The following PRR5L variants were observed in gnomAD, a reference collection of about 807,000 sequenced individuals.
The protein encoded by PRR5L is proline rich 5 like.
A neutral mutation model predicts 36.4 loss-of-function variants in PRR5L; 21 were observed. The observed-to-expected ratio is 0.58, with a 90% confidence interval of 0.41 to 0.83. PRR5L has a LOEUF of 0.83. Among genes scored for constraint, PRR5L ranks in the 40% least tolerant of loss-of-function variants. PRR5L has a pLI of 0.00. For missense variants in PRR5L, 381 were observed against 473.3 expected (o/e 0.80, Z 1.81); for synonymous variants, 188 against 197.0 (o/e 0.95, Z 0.38).
At chr11:36,432,509 C>G (rs1156631781) in intron 5 of PRR5L, among the ~76,000 whole-genome samples, 1 of 152,192 alleles carries the variant, frequency 6.6e-6, no homozygotes, top group Non-Finnish European at 1.5e-5. Context: ...CCCCATGACT[C>G]TACCAAGGGC....
At chr11:36,351,744 A>ATT (rs1475404311) in intron 1 of PRR5L, among the ~76,000 whole-genome samples, 7 of 93,306 alleles carry the variant, frequency 7.5e-5, no homozygotes, top group African/African-American at 2.6e-4. Context: ...ATATTTATAT[A>ATT]TAATTTATAT....
At chr11:36,310,420 G>T (rs1198004757) in intron 1 of PRR5L, among the ~76,000 whole-genome samples, 1 of 152,090 alleles carries the variant, frequency 6.6e-6, no homozygotes, top group Admixed American at 6.5e-5. Flanking sequence ...GCGAAGTAGA[G>T]CCTCTTAGTT....
Position 36,431,901 on chromosome 11 carries a change from C to A in PRR5L, c.343C>A (p.Leu115Met). ...GTTCTTTGTGGAGGAGAAGATCAAG[C>A]TGTGTGAAGGCAAGTACAAGACAGC... ...GLFFVEEKIK[L>M]CEGENRIEVL... Residue 115 changes from leucine (L) to methionine (M), a missense_variant, in exon 5 of 9, where the codon CTG becomes ATG. By Grantham distance (15) the Leu-to-Met change is conservative. Transcript: ENST00000530639. 6.2e-7 allele frequency: 1 copy of A among 1,614,028 alleles called. No homozygotes were observed. The highest frequency in any genetic ancestry group is 8.5e-7 in the Non-Finnish European group (1 of 1,179,904).
intron 4 of PRR5L, among the ~76,000 whole-genome samples, chr11:36,426,812 G>C (rs903516616): frequency 2.0e-5 from 3 of 152,242 alleles, no homozygotes; most frequent in African/African-American, 7.2e-5. Flanking sequence ...AAAAGGGACG[G>C]TAGCTAGCAG....
At chr11:36,392,139 A>G (rs956492200) in intron 1 of PRR5L, among the ~76,000 whole-genome samples, 2 of 152,244 alleles carry the variant, frequency 1.3e-5, no homozygotes, top group Admixed American at 6.5e-5. Context: ...GTTGCAAATG[A>G]CAGGATCTCA....
At position 36,462,433 on chromosome 11, in the gene PRR5L, C is replaced by G. The variant is rs1237011870; in HGVS notation, c.804C>G (p.Val268=). 5.0e-6 allele frequency: 8 copies of G among 1,602,036 alleles called. No individual in the cohort carries two copies. Among genetic ancestry groups the G allele is most frequent in the African/African-American group, 2.7e-5 (2 of 74,840 alleles). The change falls in exon 9 of 9, where the codon GTC becomes GTG. Residue 268 remains valine (V), a synonymous_variant. Transcript: ENST00000530639. ...TAVSRPLNEM[V]LTPLTEQEGE... ...TCAGCCGGCCACTGAATGAGATGGT[C>G]TTGACCCCACTGACAGAGCAGGAGG...
At chr11:36,447,893 C>T (rs957094864) in intron 7 of PRR5L, among the ~76,000 whole-genome samples, 6 of 152,086 alleles carry the variant, frequency 3.9e-5, no homozygotes, top group Non-Finnish European at 8.8e-5. Flanking sequence ...GTCTGAGAAG[C>T]CTTAATTAGA....
intron 1 of PRR5L, among the ~76,000 whole-genome samples, chr11:36,319,442 G>C (rs1411882452): frequency 6.6e-6 from 1 of 152,228 alleles, no homozygotes; most frequent in Non-Finnish European, 1.5e-5. Context: ...CTAAGTCAGG[G>C]ATTGGCAAAC....
chr11:36,380,088 T>C (rs189264134), intron 1 of PRR5L, among the ~76,000 whole-genome samples: 82 of 152,224 alleles, frequency 5.4e-4, no homozygotes, highest in Non-Finnish European at 1.1e-3. Context: ...AAGAAAATCC[T>C]AGTGGTTCAC....
At chr11:36,352,911 T>C (rs1008944424) in intron 1 of PRR5L, among the ~76,000 whole-genome samples, 1 of 152,180 alleles carries the variant, frequency 6.6e-6, no homozygotes, top group African/African-American at 2.4e-5. Flanking sequence ...GTGGGTCACA[T>C]AGATTTCTGC....
At chr11:36,307,696 C>T (rs1328737625) in intron 1 of PRR5L, among the ~76,000 whole-genome samples, 4 of 152,192 alleles carry the variant, frequency 2.6e-5, no homozygotes, top group East Asian at 1.9e-4. Flanking sequence ...CACAAATGTT[C>T]GCAGTGATTT....
intron 1 of PRR5L, chr11:36,376,310 A>C (rs1857257913): frequency 9.9e-6 from 9 of 906,132 alleles, no homozygotes; most frequent in Non-Finnish European, 9.5e-6. Flanking sequence ...AGAAGGAGGA[A>C]GAGGGGAGGA....
intron 1 of PRR5L, among the ~76,000 whole-genome samples, chr11:36,358,529 A>G (rs1857051960): frequency 6.6e-6 from 1 of 152,260 alleles, no homozygotes; most frequent in Admixed American, 6.5e-5. Flanking sequence ...CACACTTTTA[A>G]TAGACTACGG....
chr11:36,359,578 T>C (rs1412093108), intron 1 of PRR5L, among the ~76,000 whole-genome samples: 1 of 152,224 alleles, frequency 6.6e-6, no homozygotes, highest in Non-Finnish European at 1.5e-5. Flanking sequence ...GCAATTAGTG[T>C]AACACTTTCA....
chr11:36,385,993 T>G (rs1857450511), intron 1 of PRR5L, among the ~76,000 whole-genome samples: 1 of 152,230 alleles, frequency 6.6e-6, no homozygotes, highest in Admixed American at 6.5e-5. Context: ...GCACCTTTCA[T>G]TCCATCATTT....
intron 6 of PRR5L, among the ~76,000 whole-genome samples, chr11:36,445,171 C>G (rs1161218063): frequency 3.3e-5 from 5 of 152,122 alleles, no homozygotes; most frequent in African/African-American, 1.2e-4. Flanking sequence ...CTATAAAACT[C>G]TATGGAGTTG....
chr11:36,305,925 A>C (rs1389100628), intron 1 of PRR5L, among the ~76,000 whole-genome samples: 1 of 152,180 alleles, frequency 6.6e-6, no homozygotes, highest in Non-Finnish European at 1.5e-5. Context: ...TTATTAAGTA[A>C]AGTAAGGTTG....
intron 1 of PRR5L, among the ~76,000 whole-genome samples, chr11:36,366,289 T>C (rs1857143024): frequency 6.6e-6 from 1 of 152,180 alleles, no homozygotes; most frequent in Non-Finnish European, 1.5e-5. Context: ...GAGCCACTGC[T>C]TGCAAAGTAC....
intron 1 of PRR5L, among the ~76,000 whole-genome samples, chr11:36,345,047 G>A (rs970300553): frequency 3.3e-5 from 5 of 152,182 alleles, no homozygotes; most frequent in Non-Finnish European, 7.3e-5. Flanking sequence ...AGAGAAAAGG[G>A]TCTTTCCAGC....
Sources: gnomAD v4.1 joint callset for allele counts (sites outside exome capture counted in the v4.1 genomes callset) on GRCh38, gnomAD v4.1.1 for gene constraint, MANE v1.5 for transcripts, NCBI Gene and HGNC (gene_info 2026-07-23, HGNC 2026-07-21) for gene names.